The following MANBA variants were observed in gnomAD, a reference collection of about 807,000 sequenced individuals.
The protein encoded by MANBA is beta-mannosidase.
Under a neutral mutation model 111.1 loss-of-function variants are expected in MANBA, and 83 were observed. The ratio of observed to expected loss-of-function variants is 0.75; its 90% confidence interval spans 0.63 to 0.90. The LOEUF (loss-of-function observed/expected upper bound fraction) is 0.90, where lower values mean the gene tolerates loss of function less well. MANBA is among the 40% of genes least tolerant of loss of function. The pLI, the probability that MANBA is intolerant of heterozygous loss-of-function variation, is 0.00. For synonymous variants in MANBA, 370 were observed against 378.7 expected, an observed-to-expected ratio of 0.98 and a Z score of 0.27; for missense variants, 1,036 against 1,069.0, an observed-to-expected ratio of 0.97 and a Z score of 0.43.
rs556387277 is a variant in MANBA, at chr4:102,742,307, A to G, written c.178-15624T>C. ...GACCAGCAGAACGTAATGTCGCAGGAACAGGAAGCAAAAATTTTGCTAGTG... is the reference window on the plus strand; with the variant it reads ...GACCAGCAGAACGTAATGTCGCAGGGACAGGAAGCAAAAATTTTGCTAGTG... On this transcript the variant is annotated intron_variant, in intron 1 of 16. Transcript: ENST00000647097. 3.9e-5 allele frequency among the ~76,000 whole-genome samples: 6 copies of G among 152,298 alleles called. No homozygotes were observed. In the East Asian group the frequency reaches 9.6e-4, roughly 24 times the overall value.
At chr4:102,740,476 C>T (rs1723362140) in intron 1 of MANBA, among the ~76,000 whole-genome samples, 1 of 152,154 alleles carries the variant, frequency 6.6e-6, no homozygotes, top group South Asian at 2.1e-4. Context: ...CAAAAGGAGC[C>T]TGCATAGCCA....
intron 9 of MANBA, among the ~76,000 whole-genome samples, chr4:102,670,154 C>CAAAAAAA (rs70937560): frequency 3.8e-4 from 41 of 107,938 alleles, no homozygotes; most frequent in African/African-American, 1.4e-3. Flanking sequence ...GACTCCATAT[C>CAAAAAAA]AAAAAAAAAA....
intron 10 of MANBA, chr4:102,667,594 T>A (rs367891885): frequency 6.6e-6 from 1 of 152,216 alleles, no homozygotes; most frequent in East Asian, 1.9e-4. Flanking sequence ...ATTATCCTAT[T>A]TAATTTTTGA....
chr4:102,710,752 C>T (rs531639172), intron 5 of MANBA, among the ~76,000 whole-genome samples: 1 of 152,010 alleles, frequency 6.6e-6, no homozygotes, highest in African/African-American at 2.4e-5. Context: ...AAAACAGACA[C>T]ATAAACCAAA....
chr4:102,715,259 G>A (rs1252128290), intron 4 of MANBA, among the ~76,000 whole-genome samples: 2 of 152,070 alleles, frequency 1.3e-5, no homozygotes, highest in African/African-American at 4.8e-5. Context: ...TCTGCGGAGA[G>A]ACCCATATGG....
At chr4:102,675,654 T>C (rs1731694378) in intron 7 of MANBA, among the ~76,000 whole-genome samples, 1 of 152,238 alleles carries the variant, frequency 6.6e-6, no homozygotes, top group African/African-American at 2.4e-5. Context: ...TTAATTTTAA[T>C]TGAAACTCAT....
In MANBA at chr4:102,657,222, T is replaced by TTGGGG. The variant is rs10629916; in HGVS notation, c.1704+459_1704+460insCCCCA. ...AAAAGAGGGAGAGAGAGGAGTGGGG[T>TTGGGG]GGGGGGGGGGTGGGCGGTGGTAATG... On this transcript the variant is annotated intron_variant, in intron 12 of 16. Transcript: ENST00000647097. Among the ~76,000 whole-genome samples, 12 of 52,232 alleles carry TTGGGG rather than the reference T, an allele frequency of 2.3e-4. 1 individual carries two copies. The highest frequency in any genetic ancestry group is 7.9e-4 in the South Asian group (1 of 1,266). The allele number at this position is 52,232 out of a possible 152,430, so 34.3% of individuals were successfully genotyped here.
In MANBA at chr4:102,662,230, A is replaced by G. The variant is rs1027039583; in HGVS notation, c.1485+2455T>C. On this transcript the variant is annotated intron_variant, in intron 11 of 16. Transcript: ENST00000647097. ...AAGGATGATGATGATGATGATGACG[A>G]TGGCTAGTTTTAATTAAAAGGTTAC... Among the ~76,000 whole-genome samples, 3 of 152,138 alleles carry G rather than the reference A, an allele frequency of 2.0e-5. No individual in the cohort carries two copies. In the East Asian group the frequency reaches 5.8e-4, roughly 29 times the overall value.
chr4:102,669,708 C>T (rs1055501251), intron 9 of MANBA, among the ~76,000 whole-genome samples: 3 of 152,030 alleles, frequency 2.0e-5, no homozygotes, highest in Admixed American at 1.3e-4. Context: ...AGGCCAGGCA[C>T]GGTGGCTCAC....
At chr4:102,671,943 A>C (rs1731517169) in intron 8 of MANBA, 1 of 406,130 alleles carries the variant, frequency 2.5e-6, no homozygotes. Flanking sequence ...CAGTGCTCAA[A>C]CCAAGTAACA....
intron 7 of MANBA, among the ~76,000 whole-genome samples, chr4:102,683,989 G>A (rs912677990): frequency 6.6e-6 from 1 of 151,892 alleles, no homozygotes; most frequent in African/African-American, 2.4e-5. Flanking sequence ...TCTCTCAAGT[G>A]TCTGCATTCT....
chr4:102,751,609 T>C lies in MANBA; in HGVS notation c.177+9109A>G, dbSNP rs1578961211. ...CTGCGAATGTCCTTGGTCAAACACA[T>C]GGAACTGGAGAACATGTCATCAGAA... On this transcript the variant is annotated intron_variant, in intron 1 of 16. Coordinates refer to ENST00000647097, the MANE Select transcript of MANBA (RefSeq NM_005908.4). The C allele has an allele frequency of 5.6e-6, 3 of 540,332 alleles. No homozygotes were observed. The East Asian group carries it at 1.6e-4, about 29-fold the overall frequency. 33.5% of individuals were successfully genotyped at this position (540,332 alleles called of 1,614,324 possible). A position where few individuals can be genotyped will look rare whatever the true frequency, so the allele number is the denominator to read the frequency against.
chr4:102,640,281 A>G (rs1477664693), intron 13 of MANBA, among the ~76,000 whole-genome samples: 3 of 152,210 alleles, frequency 2.0e-5, no homozygotes, highest in African/African-American at 7.2e-5. Context: ...ACTAGAAAAA[A>G]TTCTATAAGA....
chr4:102,669,918 T>G (rs964530991), intron 9 of MANBA, among the ~76,000 whole-genome samples: 7 of 151,906 alleles, frequency 4.6e-5, no homozygotes, highest in Non-Finnish European at 7.4e-5. Context: ...AGGCAGAGCT[T>G]GCAGTGAGCC....
intron 8 of MANBA, 51 bp from the exon 9 acceptor site, chr4:102,671,449 T>C (rs1437531034): frequency 3.8e-6 from 4 of 1,059,038 alleles, no homozygotes; most frequent in African/African-American, 3.2e-5. Context: ...AAAAAACAGA[T>C]TGTGACAGAT....
At chr4:102,642,467 C>T (rs1174165472) in intron 13 of MANBA, among the ~76,000 whole-genome samples, 5 of 152,030 alleles carry the variant, frequency 3.3e-5, no homozygotes, top group South Asian at 2.1e-4. Flanking sequence ...ATTAACCGGA[C>T]GTGGTGGCAC....
chr4:102,705,859 C>T (rs1473678128), intron 5 of MANBA, among the ~76,000 whole-genome samples: 1 of 152,164 alleles, frequency 6.6e-6, no homozygotes, highest in Admixed American at 6.5e-5. Context: ...CTCAGCACTC[C>T]TCCCAGGAGC....
chr4:102,639,774 C>G lies in MANBA; in HGVS notation c.1953G>C (p.Thr651=), dbSNP rs886058968. 6.2e-7 allele frequency: 1 copy of G among 1,614,012 alleles called. No homozygotes were observed. Among genetic ancestry groups the G allele is most frequent in the Non-Finnish European group, 8.5e-7 (1 of 1,180,008 alleles). The change falls in exon 14 of 17, where the codon ACG becomes ACC. Residue 651 remains threonine (T), a synonymous_variant. Transcript: ENST00000647097. The part of the protein sequence containing the change: ...RSEIVDQQGH[T]MGALYWQLND... Reference sequence around the variant, plus strand: ...TCAACTGCCAATAAAGTGCCCCCATCGTGTGCCCTTGCTGATCCACTATCT... The same window carrying G: ...TCAACTGCCAATAAAGTGCCCCCATGGTGTGCCCTTGCTGATCCACTATCT...
chr4:102,758,717 A>AT (rs1724119489), intron 1 of MANBA, among the ~76,000 whole-genome samples: 1 of 151,626 alleles, frequency 6.6e-6, no homozygotes, highest in Non-Finnish European at 1.5e-5. Flanking sequence ...TAATTTTTTA[A>AT]TTTTTTGTAG....
Sources: gnomAD v4.1 joint callset for allele counts (sites outside exome capture counted in the v4.1 genomes callset) on GRCh38, gnomAD v4.1.1 for gene constraint, MANE v1.5 for transcripts, NCBI Gene and HGNC (gene_info 2026-07-23, HGNC 2026-07-21) for gene names.